Variants in UBE2E2 observed in about 807,000 individuals in gnomAD.
UBE2E2 encodes the protein ubiquitin conjugating enzyme E2 E2.
UBE2E2 carries 6 observed loss-of-function variants against 24.7 expected under a neutral mutation model. That is an observed-to-expected ratio of 0.24 (90% confidence interval 0.13 to 0.48). The LOEUF is 0.48. Among genes scored for constraint, UBE2E2 ranks in the 20% least tolerant of loss-of-function variants. UBE2E2 has a pLI of 0.99. For synonymous variants in UBE2E2, 104 were observed against 83.6 expected (o/e 1.24, Z -1.33); for missense variants, 169 against 245.0 (o/e 0.69, Z 2.07).
intron 5 of UBE2E2, among the ~76,000 whole-genome samples, chr3:23,565,364 A>C (rs1327388731): frequency 1.3e-5 from 2 of 150,404 alleles, no homozygotes; most frequent in Non-Finnish European, 2.9e-5. Flanking sequence ...GAGAGGCCCA[A>C]CTCTAATTAT....
chr3:23,384,100 A>G (rs1448168913), intron 3 of UBE2E2, among the ~76,000 whole-genome samples: 3 of 151,806 alleles, frequency 2.0e-5, no homozygotes, highest in East Asian at 3.9e-4. Flanking sequence ...GGCTCAAGCA[A>G]TCCTTCCACC....
intron 1 of UBE2E2, among the ~76,000 whole-genome samples, chr3:23,206,374 A>C (rs1696147080): frequency 6.6e-6 from 1 of 152,236 alleles, no homozygotes; most frequent in Admixed American, 6.5e-5. Flanking sequence ...ATATGTTACG[A>C]CTTTTAGAGC....
intron 4 of UBE2E2, among the ~76,000 whole-genome samples, chr3:23,531,889 C>A (rs1018365599): frequency 3.3e-5 from 5 of 151,984 alleles, no homozygotes; most frequent in African/African-American, 1.2e-4. Flanking sequence ...TGGCAAAACC[C>A]TGTCTCTACT....
At chr3:23,293,704 A>T (rs1698830602) in intron 3 of UBE2E2, among the ~76,000 whole-genome samples, 1 of 152,226 alleles carries the variant, frequency 6.6e-6, no homozygotes, top group Non-Finnish European at 1.5e-5. Flanking sequence ...AATAACTGTC[A>T]TAGCAGGCTC....
At chr3:23,331,669 C>T (rs928524268) in intron 3 of UBE2E2, among the ~76,000 whole-genome samples, 3 of 151,664 alleles carry the variant, frequency 2.0e-5, no homozygotes, top group African/African-American at 4.8e-5. Flanking sequence ...GTTAGAGGGA[C>T]CAGTGGGAGA....
At chr3:23,494,713 G>A (rs1699568673) in intron 3 of UBE2E2, among the ~76,000 whole-genome samples, 1 of 151,938 alleles carries the variant, frequency 6.6e-6, no homozygotes, top group South Asian at 2.1e-4. Context: ...GAGGGAAGTA[G>A]TATTAGTTTT....
At chr3:23,381,317 C>G (rs1440622622) in intron 3 of UBE2E2, among the ~76,000 whole-genome samples, 6 of 152,054 alleles carry the variant, frequency 3.9e-5, no homozygotes. Context: ...GAAAAATATT[C>G]CTGGCAACAA....
At chr3:23,300,326 A>G (rs549281494) in intron 3 of UBE2E2, among the ~76,000 whole-genome samples, 4 of 152,230 alleles carry the variant, frequency 2.6e-5, no homozygotes, top group South Asian at 2.1e-4. Context: ...TCCTGTCATT[A>G]TGATGTTAGC....
intron 4 of UBE2E2, among the ~76,000 whole-genome samples, chr3:23,509,308 T>A (rs1694531493): frequency 1.3e-5 from 2 of 152,166 alleles, no homozygotes; most frequent in Non-Finnish European, 2.9e-5. Flanking sequence ...CACCCTGTGT[T>A]GATTGTCTGT....
intron 3 of UBE2E2, among the ~76,000 whole-genome samples, chr3:23,321,439 G>A (rs1194749483): frequency 6.6e-6 from 1 of 151,790 alleles, no homozygotes; most frequent in East Asian, 1.9e-4. Flanking sequence ...GGCAAAACAG[G>A]CATTGCCTGG....
intron 3 of UBE2E2, among the ~76,000 whole-genome samples, chr3:23,338,538 C>A (rs1230885278): frequency 2.0e-5 from 3 of 152,118 alleles, no homozygotes; most frequent in Non-Finnish European, 4.4e-5. Flanking sequence ...AGTACCAGAT[C>A]TTGGGTTTAA....
chr3:23,547,914 A>G (rs1695559039), intron 5 of UBE2E2, among the ~76,000 whole-genome samples: 1 of 152,116 alleles, frequency 6.6e-6, no homozygotes, highest in African/African-American at 2.4e-5. Context: ...TGCCCAGAGG[A>G]TTTGTTAAGG....
chr3:23,459,215 A>G (rs1305668229), intron 3 of UBE2E2, among the ~76,000 whole-genome samples: 2 of 152,198 alleles, frequency 1.3e-5, no homozygotes, highest in Admixed American at 6.5e-5. Flanking sequence ...TATAAGGGCT[A>G]CCCTTTGGCT....
chr3:23,493,661 C>T (rs925489677), intron 3 of UBE2E2, among the ~76,000 whole-genome samples: 1 of 152,138 alleles, frequency 6.6e-6, no homozygotes, highest in African/African-American at 2.4e-5. Flanking sequence ...ACATTCTATT[C>T]ATTGATAATT....
intron 5 of UBE2E2, among the ~76,000 whole-genome samples, chr3:23,550,821 G>T (rs1187542727): frequency 6.6e-6 from 1 of 152,142 alleles, no homozygotes; most frequent in African/African-American, 2.4e-5. Flanking sequence ...ACAGAGATAG[G>T]AGTTTGGGAA....
chr3:23,428,939 A>T (rs1291223563), intron 3 of UBE2E2, among the ~76,000 whole-genome samples: 1 of 151,066 alleles, frequency 6.6e-6, no homozygotes, highest in Non-Finnish European at 1.5e-5. Context: ...AAAAAAAAAA[A>T]AAAAAAAAAA....
intron 3 of UBE2E2, among the ~76,000 whole-genome samples, chr3:23,359,326 C>T (rs1696050125): frequency 6.6e-6 from 1 of 152,126 alleles, no homozygotes; most frequent in Non-Finnish European, 1.5e-5. Flanking sequence ...TGTAGATCAA[C>T]AAGATAAGAG....
intron 3 of UBE2E2, among the ~76,000 whole-genome samples, chr3:23,485,527 A>T (rs1054750696): frequency 6.6e-6 from 1 of 152,136 alleles, no homozygotes; most frequent in Non-Finnish European, 1.5e-5. Context: ...TCCCCTATTA[A>T]AACAAAAACA....
At chr3:23,330,443 G>C (rs1364533902) in intron 3 of UBE2E2, among the ~76,000 whole-genome samples, 6 of 152,180 alleles carry the variant, frequency 3.9e-5, no homozygotes, top group Non-Finnish European at 7.3e-5. Context: ...TATTCTATAG[G>C]AGGTAGGTGA....
Sources: gnomAD v4.1 joint callset for allele counts (sites outside exome capture counted in the v4.1 genomes callset) on GRCh38, gnomAD v4.1.1 for gene constraint, MANE v1.5 for transcripts, NCBI Gene and HGNC (gene_info 2026-07-23, HGNC 2026-07-21) for gene names.